Variants in WWC2 observed in about 807,000 individuals in gnomAD.
The protein encoded by WWC2 is WW and C2 domain containing 2.
WWC2 carries 101 observed loss-of-function variants against 138.5 expected under a neutral mutation model. That is an observed-to-expected ratio of 0.73 (90% CI 0.62 to 0.86). The LOEUF is 0.86. Ranked by LOEUF, WWC2 falls within the 40% of genes least tolerant of loss-of-function variation. WWC2 has a pLI of 0.00. For synonymous variants in WWC2, 558 were observed against 538.4 expected, an observed-to-expected ratio of 1.04 and a Z score of -0.50; for missense variants, 1,420 against 1,419.4, an observed-to-expected ratio of 1.00 and a Z score of -0.01.
intron 1 of WWC2, among the ~76,000 whole-genome samples, chr4:183,135,953 A>C (rs187917216): frequency 2.0e-5 from 3 of 151,298 alleles, no homozygotes; most frequent in Non-Finnish European, 3.0e-5. Flanking sequence ...TGAGTTTTCT[A>C]TTCTCTTTTC....
intron 16 of WWC2, 93 bp downstream of exon 16, chr4:183,271,334 G>GACCAACATGCTTTTATC: frequency 9.7e-7 from 1 of 1,029,114 alleles, no homozygotes; most frequent in Non-Finnish European, 1.3e-6. Flanking sequence ...AATGCTACGA[G>GACCAACATGCTTTTATC]ACCAACATGC....
At chr4:183,134,938 T>C (rs561103228) in intron 1 of WWC2, among the ~76,000 whole-genome samples, 1 of 151,034 alleles carries the variant, frequency 6.6e-6, no homozygotes, top group East Asian at 1.9e-4. Flanking sequence ...CTTTATTTTT[T>C]TTTTTTTAAA....
chr4:183,310,408 C>T (rs1281043103), intron 21 of WWC2, among the ~76,000 whole-genome samples: 1 of 151,934 alleles, frequency 6.6e-6, no homozygotes, highest in East Asian at 1.9e-4. Context: ...GAAGGTTTAA[C>T]CTGAGAAAAA....
chr4:183,319,392 A>G lies in WWC2; in HGVS notation c.*3663A>G, dbSNP rs937930518. On this transcript the variant is annotated 3_prime_UTR_variant, in exon 23 of 23. Transcript: ENST00000403733. ...TGATTTTGGTCTCAGACTAGAAGAT[A>G]AAAATGGTTTACCAGTCTTGGAAAG... 6.5e-6 allele frequency: 5 copies of G among 764,082 alleles called. No individual in the cohort carries two copies. The highest frequency in any genetic ancestry group is 1.1e-5 in the Non-Finnish European group (5 of 472,958). 47.3% of individuals were successfully genotyped at this position (764,082 alleles called of 1,614,324 possible).
At chr4:183,315,065 A>G (rs1184255158) in intron 22 of WWC2, among the ~76,000 whole-genome samples, 1 of 152,224 alleles carries the variant, frequency 6.6e-6, no homozygotes, top group African/African-American at 2.4e-5. Context: ...GAAGTTCTGT[A>G]GGGAAATAGA....
chr4:183,242,785 GA>G (rs903167340), intron 5 of WWC2, among the ~76,000 whole-genome samples: 2 of 151,724 alleles, frequency 1.3e-5, no homozygotes, highest in East Asian at 1.9e-4. Flanking sequence ...GAAATTTTAA[GA>G]AAAAAAACAG....
chr4:183,237,829 C>T (rs1230159265), intron 4 of WWC2, among the ~76,000 whole-genome samples: 1 of 152,096 alleles, frequency 6.6e-6, no homozygotes, highest in Non-Finnish European at 1.5e-5. Context: ...TGCCTGGTCT[C>T]CCTCTTGACA....
Position 183,284,393 on chromosome 4 carries a change from A to G in WWC2, c.3048+3A>G. 6.2e-7 allele frequency: 1 copy of G among 1,610,486 alleles called. No homozygotes were observed. Among genetic ancestry groups the G allele is most frequent in the Middle Eastern group, 1.9e-4 (1 of 5,146 alleles). Reference sequence around the variant, plus strand: ...AGCGGAACCAGTACATCTGCAGGGTAAGGTGGCAGTGCTCGTGGTGAGGCG... The same window carrying G: ...AGCGGAACCAGTACATCTGCAGGGTGAGGTGGCAGTGCTCGTGGTGAGGCG... On this transcript the variant is annotated splice_donor_region_variant and intron_variant, in intron 19 of 22. Transcript: ENST00000403733.
intron 1 of WWC2, among the ~76,000 whole-genome samples, chr4:183,129,786 G>A (rs1732865981): frequency 6.6e-6 from 1 of 152,090 alleles, no homozygotes; most frequent in Non-Finnish European, 1.5e-5. Flanking sequence ...GGATATTTCT[G>A]GCCTTTTACT....
chr4:183,280,205 T>A (rs189521999), intron 16 of WWC2, among the ~76,000 whole-genome samples: 1 of 149,320 alleles, frequency 6.7e-6, no homozygotes, highest in Non-Finnish European at 1.5e-5. Flanking sequence ...AATATCTGCT[T>A]ACTATTTTAG....
intron 21 of WWC2, among the ~76,000 whole-genome samples, chr4:183,304,974 G>A (rs757649163): frequency 1.3e-5 from 2 of 152,188 alleles, no homozygotes; most frequent in Non-Finnish European, 2.9e-5. Flanking sequence ...TAAACTAACT[G>A]TGGTTAGTAT....
intron 20 of WWC2, among the ~76,000 whole-genome samples, chr4:183,286,797 G>C (rs1738268761): frequency 6.6e-6 from 1 of 152,130 alleles, no homozygotes; most frequent in Non-Finnish European, 1.5e-5. Flanking sequence ...GTCTAGAGGA[G>C]GACACAACAC....
At chr4:183,262,370 A>G (rs568057161) in intron 11 of WWC2, among the ~76,000 whole-genome samples, 85 of 152,340 alleles carry the variant, frequency 5.6e-4, no homozygotes, top group African/African-American at 2.0e-3. Flanking sequence ...TCACAGCTAC[A>G]TGTTTTACTG....
intron 1 of WWC2, 125 bp from the exon 2 acceptor site, chr4:183,193,474 C>A: frequency 1.0e-5 from 8 of 789,576 alleles, no homozygotes; most frequent in Non-Finnish European, 1.6e-5. Context: ...TGTATTTTAT[C>A]CTTGGTTTTT....
rs542284764 is a variant in WWC2 at position 183,227,031 on chromosome 4, G to GT, written c.523-13151dup. On this transcript the variant is annotated intron_variant, in intron 4 of 22. Coordinates refer to ENST00000403733, the MANE Select transcript of WWC2 (RefSeq NM_024949.6). ...TGGTGACAGACCCCAGCTGCATCAA[G>GT]TGGGGACTCAGACAGTCACTAAACC... 6.6e-4 allele frequency among the ~76,000 whole-genome samples: 100 copies of GT among 152,106 alleles called. 4 individuals are homozygous for GT. The highest frequency in any genetic ancestry group is 3.4e-3 in the Middle Eastern group (1 of 294).
intron 1 of WWC2, among the ~76,000 whole-genome samples, chr4:183,146,631 G>A (rs372428042): frequency 6.6e-6 from 1 of 152,160 alleles, no homozygotes; most frequent in African/African-American, 2.4e-5. Context: ...GCCTGCTCAT[G>A]TGCGCAGCGT....
chr4:183,245,248 AAGAG>A (rs369345159), intron 5 of WWC2, among the ~76,000 whole-genome samples, 164 bp from the exon 6 acceptor site: 14 of 146,558 alleles, frequency 9.6e-5, no homozygotes, highest in Non-Finnish European at 1.9e-4. Context: ...AAAAAAAAAA[AAGAG>A]AGAGAAAGGA....
At chr4:183,233,739 A>G (rs1252022008) in intron 4 of WWC2, 1 of 152,198 alleles carries the variant, frequency 6.6e-6, no homozygotes, top group Non-Finnish European at 1.5e-5. Flanking sequence ...AAGTTAAACA[A>G]TGTTTTATTC....
intron 5 of WWC2, among the ~76,000 whole-genome samples, chr4:183,241,398 A>G (rs985391415): frequency 1.3e-5 from 2 of 152,192 alleles, no homozygotes; most frequent in Non-Finnish European, 2.9e-5. Context: ...TTGGGTGATT[A>G]GTCATATCTT....
Sources: allele counts gnomAD v4.1 joint callset (sites outside exome capture counted in the v4.1 genomes callset), GRCh38; gene constraint gnomAD v4.1.1; transcripts MANE v1.5; gene names NCBI Gene and HGNC (gene_info 2026-07-23, HGNC 2026-07-21).